The following CDH18 variants were observed in gnomAD, a reference collection of about 807,000 sequenced individuals.
CDH18 encodes cadherin 18, also known as cadherin-18.
In CDH18, 31 loss-of-function variants were observed where a neutral mutation model predicts 67.9. That is an observed-to-expected ratio of 0.46 (90% CI 0.34 to 0.62). CDH18 has a LOEUF of 0.62. CDH18 is among the 20% of genes least tolerant of loss of function. The pLI is 0.01. For synonymous variants in CDH18, 362 were observed against 347.2 expected, an observed-to-expected ratio of 1.04 and a Z score of -0.48; for missense variants, 890 against 975.5, an observed-to-expected ratio of 0.91 and a Z score of 1.17.
intron 1 of CDH18, among the ~76,000 whole-genome samples, chr5:20,414,246 C>T (rs775901609): frequency 8.5e-5 from 13 of 152,178 alleles, no homozygotes; most frequent in South Asian, 8.3e-4. Flanking sequence ...TATCGTAGCA[C>T]TATTCACAAT....
chr5:19,761,762 A>C (rs1772382434), intron 3 of CDH18, among the ~76,000 whole-genome samples: 1 of 152,210 alleles, frequency 6.6e-6, no homozygotes. Flanking sequence ...ATATGGAACC[A>C]AAAAAGAGCC....
intron 2 of CDH18, among the ~76,000 whole-genome samples, chr5:19,857,271 A>G (rs1419100167): frequency 6.6e-6 from 1 of 151,740 alleles, no homozygotes; most frequent in African/African-American, 2.4e-5. Context: ...AAAAAGTTGA[A>G]GCAATGATTT....
chr5:20,174,014 A>C (rs1448666955), intron 2 of CDH18, among the ~76,000 whole-genome samples: 1 of 152,154 alleles, frequency 6.6e-6, no homozygotes, highest in East Asian at 1.9e-4. Context: ...TGAAAAGCAA[A>C]GATAACATAA....
intron 2 of CDH18, among the ~76,000 whole-genome samples, chr5:20,001,695 G>A (rs189129834): frequency 1.3e-5 from 2 of 152,206 alleles, no homozygotes; most frequent in East Asian, 3.9e-4. Flanking sequence ...ATTGCATGTA[G>A]TGTGCTGAAA....
At chr5:20,159,038 T>C (rs2126603683) in intron 2 of CDH18, 1 of 154,184 alleles carries the variant, frequency 6.5e-6, no homozygotes, top group South Asian at 2.1e-4. Flanking sequence ...TAATTCAACA[T>C]AGATGATGTG....
At chr5:19,531,348 G>A (rs1174205871) in intron 9 of CDH18, among the ~76,000 whole-genome samples, 1 of 151,890 alleles carries the variant, frequency 6.6e-6, no homozygotes, top group African/African-American at 2.4e-5. Context: ...GATGGCACAT[G>A]AAAATATTTT....
At chr5:20,036,896 T>C (rs1299673753) in intron 2 of CDH18, among the ~76,000 whole-genome samples, 1 of 152,130 alleles carries the variant, frequency 6.6e-6, no homozygotes, top group East Asian at 1.9e-4. Flanking sequence ...TTGATCTTTG[T>C]GGGTCTAAAG....
chr5:19,604,435 C>G (rs777627802), intron 6 of CDH18, among the ~76,000 whole-genome samples: 29 of 151,846 alleles, frequency 1.9e-4, no homozygotes, highest in Non-Finnish European at 3.4e-4. Flanking sequence ...GTTTGCCTGT[C>G]TTTCCTGATA....
intron 2 of CDH18, among the ~76,000 whole-genome samples, chr5:19,999,529 C>T (rs1579995337): frequency 6.6e-6 from 1 of 152,072 alleles, no homozygotes; most frequent in Non-Finnish European, 1.5e-5. Context: ...TTGAACCTGG[C>T]AGGCGGAGGT....
At chr5:19,571,954 T>C (rs1210048653) in intron 7 of CDH18, 122 bp from the exon 8 acceptor site, 20 of 752,868 alleles carry the variant, frequency 2.7e-5, no homozygotes, top group Non-Finnish European at 8.5e-6. Context: ...GAGAGATAAG[T>C]CATTCTAGCT....
intron 3 of CDH18, among the ~76,000 whole-genome samples, chr5:19,751,141 T>C (rs773930805): frequency 2.4e-4 from 37 of 152,162 alleles, no homozygotes; most frequent in Non-Finnish European, 5.0e-4. Context: ...GTGACTCACA[T>C]GAGTTCACTC....
intron 1 of CDH18, among the ~76,000 whole-genome samples, chr5:20,438,443 C>G (rs1749349114): frequency 6.6e-6 from 1 of 151,342 alleles, no homozygotes; most frequent in African/African-American, 2.4e-5. Flanking sequence ...AGTTCTTTAG[C>G]TGTTAAGCTG....
intron 9 of CDH18, among the ~76,000 whole-genome samples, chr5:19,530,342 A>G (rs1748395733): frequency 6.6e-6 from 1 of 152,220 alleles, no homozygotes; most frequent in African/African-American, 2.4e-5. Flanking sequence ...AATAAAGGAA[A>G]TTTTTGTTAC....
intron 2 of CDH18, among the ~76,000 whole-genome samples, chr5:19,880,840 A>G (rs1787564748): frequency 6.6e-6 from 1 of 152,210 alleles, no homozygotes; most frequent in African/African-American, 2.4e-5. Context: ...CTTTCCAAAT[A>G]AAGATGCCAT....
At chr5:19,867,046 G>A (rs766146133) in intron 2 of CDH18, among the ~76,000 whole-genome samples, 62 of 152,088 alleles carry the variant, frequency 4.1e-4, no homozygotes, top group Non-Finnish European at 7.4e-4. Context: ...CTGAGATTGC[G>A]CCACTGCACT....
intron 4 of CDH18, among the ~76,000 whole-genome samples, chr5:19,743,956 A>G: frequency 6.8e-6 from 1 of 148,134 alleles, no homozygotes; most frequent in Non-Finnish European, 1.5e-5. Context: ...AAAAAATCAG[A>G]GTTAATGAAA....
chr5:20,461,802 C>T (rs561790852), intron 1 of CDH18, among the ~76,000 whole-genome samples: 223 of 152,184 alleles, frequency 1.5e-3, no homozygotes, highest in Non-Finnish European at 2.7e-3. Context: ...CTAGAAAAGC[C>T]TTTTCTCCCT....
intron 2 of CDH18, among the ~76,000 whole-genome samples, chr5:20,133,800 C>T (rs561062730): frequency 1.6e-4 from 25 of 152,028 alleles, no homozygotes; most frequent in African/African-American, 6.0e-4. Context: ...GATATTCAGC[C>T]TGCTTAGTGT....
At chr5:20,538,896 C>CTTTTTTTT (rs775628726) in intron 1 of CDH18, among the ~76,000 whole-genome samples, 5 of 69,128 alleles carry the variant, frequency 7.2e-5, no homozygotes, top group Non-Finnish European at 1.3e-4. Flanking sequence ...ACATAGCCAA[C>CTTTTTTTT]TGTTTTTTTT....
Sources: allele counts gnomAD v4.1 joint callset (sites outside exome capture counted in the v4.1 genomes callset), GRCh38; gene constraint gnomAD v4.1.1; transcripts MANE v1.5; gene names NCBI Gene and HGNC (gene_info 2026-07-23, HGNC 2026-07-21).